PCDHGA7: variants seen among roughly 807,000 people sequenced by gnomAD.
The protein encoded by PCDHGA7 is protocadherin gamma subfamily A, 7.
PCDHGA7 carries 44 observed loss-of-function variants against 58.3 expected under a neutral mutation model. That is an observed-to-expected ratio of 0.75 (90% CI 0.59 to 0.97). PCDHGA7 has a LOEUF of 0.97. Ranked by LOEUF, PCDHGA7 falls within the 50% of genes least tolerant of loss-of-function variation. The pLI is 0.00. For missense variants in PCDHGA7, 1,266 were observed against 1,188.7 expected (o/e 1.06, Z -0.96); for synonymous variants, 516 against 504.2 (o/e 1.02, Z -0.31).
Position 141,511,313 on chromosome 5 carries a change from C to T in PCDHGA7, c.*140C>T. ...CCAAGGCCATGCTCCCCTTGGGAAA[C>T]AGAAACAAGTGCCCAGTCAGCACCT... On this transcript the variant is annotated 3_prime_UTR_variant, in exon 4 of 4. Transcript: ENST00000518325. 2 of 1,482,944 alleles carry T rather than the reference C, an allele frequency of 1.3e-6. No homozygotes were observed. The highest frequency in any genetic ancestry group is 2.3e-5 in the Admixed American group (1 of 43,596). 91.9% of individuals were successfully genotyped at this position (1,482,944 alleles called of 1,614,324 possible).
intron 1 of PCDHGA7, chr5:141,399,834 G>C (rs375768001): frequency 2.4e-5 from 39 of 1,613,004 alleles, no homozygotes; most frequent in Non-Finnish European, 2.9e-5. Flanking sequence ...ACGGCTCTGC[G>C]CTCTTCGATA....
At position 141,384,979 on chromosome 5, in the gene PCDHGA7, G is replaced by C. The variant is rs758247749; in HGVS notation, c.2080G>C (p.Val694Leu). 1.4e-4 allele frequency: 229 copies of C among 1,614,146 alleles called. 1 individual carries two copies. The highest frequency in any genetic ancestry group is 1.5e-5 in the Non-Finnish European group (18 of 1,180,036). Residue 694 changes from valine (V) to leucine (L), a missense_variant, in exon 1 of 4, where the codon GTG becomes CTG. Val to Leu is a conservative substitution (Grantham distance 32). Coordinates refer to ENST00000518325, the MANE Select transcript of PCDHGA7 (RefSeq NM_018920.4). ...PYNYDLTLYL[V>L]VAVATVSCVF... ...CAACTATGACCTCACGTTGTACCTG[G>C]TGGTGGCGGTGGCCACAGTCTCCTG...
Position 141,383,126 on chromosome 5 carries a change from C to A in PCDHGA7, c.227C>A (p.Ala76Asp). 1 of 1,614,062 alleles carries A rather than the reference C, an allele frequency of 6.2e-7. No homozygotes were observed. The highest frequency in any genetic ancestry group is 2.2e-5 in the East Asian group (1 of 44,880). Residue 76 changes from alanine to aspartate, a missense_variant, in exon 1 of 4, where the codon GCC (alanine) becomes GAC (aspartate). Coordinates refer to ENST00000518325, the MANE Select transcript of PCDHGA7 (RefSeq NM_018920.4). ...IISRGRTQLF[A>D]LNQRSGSLVT... ...TCCAGAGGTAGGACGCAGCTTTTCG[C>A]CCTGAACCAGCGCAGCGGCAGCTTG...
intron 1 of PCDHGA7, chr5:141,393,347 C>A: frequency 6.2e-7 from 1 of 1,613,980 alleles, no homozygotes; most frequent in Non-Finnish European, 8.5e-7. Context: ...ATCACCACTT[C>A]TCCCTGGACG....
rs1779634638 is a variant in PCDHGA7 at position 141,383,951 on chromosome 5, C to CT, written c.1055dup (p.Leu352PhefsTer3). On this transcript the variant is annotated frameshift_variant, in exon 1 of 4. Transcript: ENST00000518325. LOFTEE classifies it high-confidence loss of function. ...AATGCTCCAGAAGTGACTATGACGT[C>CT]TTTAAGTAGCTCAATCCCTGAAGAC... 1 of 1,613,676 alleles carries CT rather than the reference C, an allele frequency of 6.2e-7. No individual in the cohort carries two copies. Among genetic ancestry groups the CT allele is most frequent in the African/African-American group, 1.3e-5 (1 of 74,918 alleles).
At chr5:141,392,127 A>G (rs2092470129) in intron 1 of PCDHGA7, 1 of 152,236 alleles carries the variant, frequency 6.6e-6, no homozygotes, top group Admixed American at 6.5e-5. Flanking sequence ...AGCTTGTAAA[A>G]TGATTAAGTA....
In PCDHGA7 at chr5:141,500,954, C is replaced by T. The variant is rs536993707; in HGVS notation, c.2484-4439C>T. On this transcript the variant is annotated intron_variant, in intron 2 of 3. Coordinates refer to ENST00000518325, the MANE Select transcript of PCDHGA7 (RefSeq NM_018920.4). Reference sequence around the variant, plus strand: ...CGCCATCTCGGCTCACTGCAAGCTCCACCTCCTGGGTTCAAGCAATTCTCC... The same window carrying T: ...CGCCATCTCGGCTCACTGCAAGCTCTACCTCCTGGGTTCAAGCAATTCTCC... Among the ~76,000 whole-genome samples the T allele has an allele frequency of 2.4e-3, 358 of 152,060 alleles. 1 individual carries two copies. The highest frequency in any genetic ancestry group is 4.1e-3 in the Admixed American group (63 of 15,282).
intron 1 of PCDHGA7, chr5:141,389,656 C>T (rs763730959): frequency 1.2e-6 from 2 of 1,612,538 alleles, no homozygotes; most frequent in Non-Finnish European, 1.7e-6. Context: ...AAGGTAGTGG[C>T]GGTGGACGCA....
chr5:141,411,017 A>T lies in PCDHGA7; in HGVS notation c.2424+25694A>T, dbSNP rs140607036. ...TACTGGTGCCCCTCACCACAGCTAA[A>T]TTTTTTGTATTTTTAGTAGACATGG... On this transcript the variant is annotated intron_variant, in intron 1 of 3. Transcript: ENST00000518325. 3.9e-3 allele frequency: 631 copies of T among 162,486 alleles called. 5 individuals are homozygous for T. Among genetic ancestry groups the T allele is most frequent in the Admixed American group, 0.011 (172 of 16,000 alleles). 10.1% of individuals were successfully genotyped at this position (162,486 alleles called of 1,614,324 possible).
At chr5:141,483,972 A>G in intron 1 of PCDHGA7, among the ~76,000 whole-genome samples, 1 of 83,960 alleles carries the variant, frequency 1.2e-5, no homozygotes, top group Admixed American at 1.8e-4. Context: ...TGCTTGTGCA[A>G]GGGAGTAGCT....
intron 1 of PCDHGA7, chr5:141,468,330 C>CAAAAAAAAA (rs533390277): frequency 1.3e-5 from 1 of 79,886 alleles, no homozygotes; most frequent in African/African-American, 3.9e-5. Context: ...AACTCCATCT[C>CAAAAAAAAA]AAAAAAAAAA....
chr5:141,423,078 C>T (rs752144906), intron 1 of PCDHGA7: 2 of 1,614,108 alleles, frequency 1.2e-6, no homozygotes, highest in Non-Finnish European at 1.7e-6. Context: ...AGCCGGGACT[C>T]TTCGCGGTGG....
intron 1 of PCDHGA7, among the ~76,000 whole-genome samples, chr5:141,460,888 C>T (rs530320189): frequency 1.3e-5 from 2 of 149,792 alleles, no homozygotes; most frequent in East Asian, 2.0e-4. Context: ...CATGCCTTTT[C>T]GTGGCTGAGT....
intron 1 of PCDHGA7, chr5:141,394,390 G>C (rs758609540): frequency 1.2e-6 from 2 of 1,614,100 alleles, no homozygotes; most frequent in Non-Finnish European, 1.7e-6. Context: ...GAGCAGATCC[G>C]AGACCTGCAG....
intron 1 of PCDHGA7, among the ~76,000 whole-genome samples, chr5:141,457,594 TA>T (rs1239366532): frequency 6.6e-6 from 1 of 152,250 alleles, no homozygotes; most frequent in Non-Finnish European, 1.5e-5. Flanking sequence ...TCATTTTTGG[TA>T]AAAACTAATT....
At chr5:141,492,495 G>A (rs750427038) in intron 1 of PCDHGA7, among the ~76,000 whole-genome samples, 65 of 152,186 alleles carry the variant, frequency 4.3e-4, no homozygotes, top group Non-Finnish European at 6.0e-4. Context: ...ACCAGGCGAG[G>A]ACTCCGGAGC....
Position 141,476,543 on chromosome 5 carries a change from G to A in PCDHGA7, c.2425-18264G>A, listed in dbSNP as rs1419273574. 1 of 1,614,220 alleles carries A rather than the reference G, an allele frequency of 6.2e-7. No individual in the cohort carries two copies. Among genetic ancestry groups the A allele is most frequent in the South Asian group, 1.1e-5 (1 of 91,084 alleles). On this transcript the variant is annotated intron_variant, in intron 1 of 3. Transcript: ENST00000518325. The surrounding 1 kb of genome is among the most constrained non-coding windows in gnomAD (Gnocchi z 7.6). ...TTTCCCTACCCAGGAAATGAAATTG[G>A]AGATTAGCGAGGCCGTGGCTCCGGG...
At position 141,432,999 on chromosome 5, in the gene PCDHGA7, A is replaced by G. The variant is rs745921704; in HGVS notation, c.2424+47676A>G. The G allele has an allele frequency of 1.1e-5, 17 of 1,614,046 alleles. No individual in the cohort carries two copies. Among genetic ancestry groups the G allele is most frequent in the East Asian group, 4.5e-5 (2 of 44,862 alleles). On this transcript the variant is annotated intron_variant, in intron 1 of 3. Coordinates refer to ENST00000518325, the MANE Select transcript of PCDHGA7 (RefSeq NM_018920.4). This position sits in a 1 kb window ranked among gnomAD's most constrained non-coding sequence, Gnocchi z 6.0. ...CACTTTGTGGGCGTGGACGGGGTGC[A>G]GGCTTTCCTGCAGACCTATTCCCAC...
At chr5:141,436,318 CTG>C (rs1309397202) in intron 1 of PCDHGA7, among the ~76,000 whole-genome samples, 1 of 152,154 alleles carries the variant, frequency 6.6e-6, no homozygotes, top group Non-Finnish European at 1.5e-5. Flanking sequence ...ATAGTCAAGA[CTG>C]TTAGACCATA....
Sources: allele counts gnomAD v4.1 joint callset (sites outside exome capture counted in the v4.1 genomes callset), GRCh38; gene constraint gnomAD v4.1.1; non-coding constraint Gnocchi (gnomAD v3.1); transcripts MANE v1.5; gene names NCBI Gene and HGNC (gene_info 2026-07-23, HGNC 2026-07-21).